The following JAK1 variants were observed in gnomAD, a reference collection of about 807,000 sequenced individuals.
JAK1 encodes the protein Janus kinase 1.
JAK1 carries 16 observed loss-of-function variants against 136.6 expected under a neutral mutation model. That is an observed-to-expected ratio of 0.12 (90% confidence interval 0.08 to 0.18). The LOEUF is 0.18. Ranked by LOEUF, JAK1 falls within the 10% of genes least tolerant of loss-of-function variation. The pLI is 1.00. For missense variants in JAK1, 859 were observed against 1,450.1 expected (o/e 0.59, Z 6.62); for synonymous variants, 492 against 519.5 (o/e 0.95, Z 0.72).
At chr1:64,982,644 C>T (rs1246068900) in intron 2 of JAK1, among the ~76,000 whole-genome samples, 1 of 152,180 alleles carries the variant, frequency 6.6e-6, no homozygotes, top group Non-Finnish European at 1.5e-5. Context: ...AGACCACAGG[C>T]TTGGCAGTGA....
At chr1:65,050,264 G>T (rs1332145072) in intron 1 of JAK1, among the ~76,000 whole-genome samples, 1 of 152,170 alleles carries the variant, frequency 6.6e-6, no homozygotes, top group Non-Finnish European at 1.5e-5. Flanking sequence ...CATCTAACGA[G>T]ACATTAAAAA....
chr1:64,961,871 T>C (rs1260889838), intron 1 of JAK1, among the ~76,000 whole-genome samples: 2 of 152,242 alleles, frequency 1.3e-5, no homozygotes, highest in Non-Finnish European at 2.9e-5. Context: ...GTTACAGCCA[T>C]GTATACCAAG....
At chr1:64,935,831 A>G (rs1453340160) in intron 1 of JAK1, among the ~76,000 whole-genome samples, 1 of 152,170 alleles carries the variant, frequency 6.6e-6, no homozygotes, top group Non-Finnish European at 1.5e-5. Flanking sequence ...GAGTCTTTAC[A>G]ATTTCATCTA....
At chr1:64,991,045 T>A (rs1646652733) in intron 2 of JAK1, among the ~76,000 whole-genome samples, 1 of 150,204 alleles carries the variant, frequency 6.7e-6, no homozygotes, top group Non-Finnish European at 1.5e-5. Flanking sequence ...CTCTTAAATA[T>A]GCTCAAAGAG....
At chr1:64,923,144 T>TC (rs1403794117) in intron 1 of JAK1, among the ~76,000 whole-genome samples, 19 of 152,146 alleles carry the variant, frequency 1.2e-4, no homozygotes, top group South Asian at 4.2e-4. Flanking sequence ...CAATCCAACC[T>TC]CCTCCTCCTC....
intron 2 of JAK1, among the ~76,000 whole-genome samples, chr1:64,972,036 AG>A (rs1205663941): frequency 6.6e-6 from 1 of 152,234 alleles, no homozygotes; most frequent in Non-Finnish European, 1.5e-5. Context: ...CTCAAAAAAA[AG>A]AAAAAAGTGT....
At chr1:65,002,800 C>T (rs561492075) in intron 2 of JAK1, among the ~76,000 whole-genome samples, 16 of 152,334 alleles carry the variant, frequency 1.1e-4, no homozygotes, top group African/African-American at 3.8e-4. Context: ...CTGCGCCTGC[C>T]GCAGTTCCCG....
intron 5 of JAK1, among the ~76,000 whole-genome samples, chr1:64,869,728 C>A (rs1237027026): frequency 6.6e-6 from 1 of 152,210 alleles, no homozygotes; most frequent in African/African-American, 2.4e-5. Flanking sequence ...TACAGACATA[C>A]GAAGTCCCTT....
intron 1 of JAK1, among the ~76,000 whole-genome samples, chr1:64,953,459 C>T (rs4244163): frequency 0.98 from 148,907 of 152,222 alleles, 72,898 homozygotes; most frequent in East Asian, 1. Context: ...ACATCTGGTA[C>T]GCTCAGACCC....
intron 11 of JAK1, among the ~76,000 whole-genome samples, chr1:64,854,532 G>A (rs1442728995): frequency 8.6e-5 from 13 of 151,968 alleles, no homozygotes; most frequent in Non-Finnish European, 1.9e-4. Context: ...CGCTCTTCTG[G>A]GCCTCAATTT....
At chr1:64,959,450 T>A (rs1450165016) in intron 1 of JAK1, among the ~76,000 whole-genome samples, 2 of 152,184 alleles carry the variant, frequency 1.3e-5, no homozygotes, top group Non-Finnish European at 2.9e-5. Flanking sequence ...CAAAACTCCC[T>A]GGAGTATTAT....
intron 2 of JAK1, among the ~76,000 whole-genome samples, chr1:64,996,551 A>G (rs1470306199): frequency 6.6e-6 from 1 of 152,268 alleles, no homozygotes; most frequent in Admixed American, 6.5e-5. Context: ...TCTAACAGAT[A>G]CATTCTAACA....
chr1:64,892,100 A>T (rs1321897548), intron 1 of JAK1, among the ~76,000 whole-genome samples: 1 of 152,218 alleles, frequency 6.6e-6, no homozygotes, highest in Non-Finnish European at 1.5e-5. Flanking sequence ...TTTCTAAAAA[A>T]CTTTTTCTTC....
intron 1 of JAK1, among the ~76,000 whole-genome samples, chr1:65,067,155 C>A (rs1367627454): frequency 6.6e-6 from 1 of 151,774 alleles, no homozygotes; most frequent in Non-Finnish European, 1.5e-5. Flanking sequence ...CGGCCCGCCC[C>A]GCGCCGCCGC....
At chr1:64,928,786 A>C (rs923215947) in intron 1 of JAK1, among the ~76,000 whole-genome samples, 5 of 117,940 alleles carry the variant, frequency 4.2e-5, no homozygotes, top group African/African-American at 1.9e-4. Context: ...TGCAAAAAAA[A>C]AAAAAAAAAA....
chr1:64,982,916 G>A (rs951194226), intron 2 of JAK1, among the ~76,000 whole-genome samples: 1 of 152,072 alleles, frequency 6.6e-6, no homozygotes, highest in African/African-American at 2.4e-5. Flanking sequence ...CTGTCCACCC[G>A]CTGTTTGAGG....
intron 1 of JAK1, among the ~76,000 whole-genome samples, chr1:64,910,560 G>A (rs144917843): frequency 1.3e-5 from 2 of 152,262 alleles, no homozygotes; most frequent in Non-Finnish European, 2.9e-5. Flanking sequence ...ATGGCCAGGT[G>A]TGGTGGCTCA....
intron 2 of JAK1, among the ~76,000 whole-genome samples, chr1:65,025,694 T>C (rs1646972172): frequency 6.6e-6 from 1 of 152,130 alleles, no homozygotes; most frequent in South Asian, 2.1e-4. Context: ...CTTTCCTTTT[T>C]TGAGACAGGG....
At chr1:64,909,084 C>T (rs565786833) in intron 1 of JAK1, among the ~76,000 whole-genome samples, 10 of 152,300 alleles carry the variant, frequency 6.6e-5, no homozygotes, top group South Asian at 2.1e-4. Context: ...GCTAGCTATC[C>T]GCCACATTTT....
Sources: allele counts gnomAD v4.1 joint callset (sites outside exome capture counted in the v4.1 genomes callset), GRCh38; gene constraint gnomAD v4.1.1; transcripts MANE v1.5; gene names NCBI Gene and HGNC (gene_info 2026-07-23, HGNC 2026-07-21).